Variants in UTRN observed in about 807,000 individuals in gnomAD.
UTRN encodes utrophin, also known as dystrophin-related protein 1.
In UTRN, 283 loss-of-function variants were observed where a neutral mutation model predicts 463.9. The ratio of observed to expected loss-of-function variants is 0.61; its 90% CI spans 0.55 to 0.67. The LOEUF (loss-of-function observed/expected upper bound fraction) is 0.67, where lower values mean the gene tolerates loss of function less well. UTRN is among the 30% of genes least tolerant of loss of function. The pLI is 0.00. For synonymous variants in UTRN, 1,442 were observed against 1,431.5 expected, an observed-to-expected ratio of 1.01 and a Z score of -0.17; for missense variants, 3,922 against 4,084.3, an observed-to-expected ratio of 0.96 and a Z score of 1.08.
intron 1 of UTRN, among the ~76,000 whole-genome samples, chr6:144,289,236 A>C (rs636799): frequency 0.26 from 39,968 of 151,986 alleles, 5,367 homozygotes; most frequent in South Asian, 0.42. Flanking sequence ...CACTTCACCT[A>C]ATTGCCTAAG....
At chr6:144,529,796 T>A (rs1196022481) in intron 41 of UTRN, among the ~76,000 whole-genome samples, 1 of 152,010 alleles carries the variant, frequency 6.6e-6, no homozygotes, top group Non-Finnish European at 1.5e-5. Context: ...ATTTAAAAAA[T>A]ATATATTTTA....
intron 2 of UTRN, among the ~76,000 whole-genome samples, chr6:144,353,688 A>T (rs2114665218): frequency 6.6e-6 from 1 of 152,282 alleles, no homozygotes; most frequent in East Asian, 1.9e-4. Flanking sequence ...CTCTACTAAA[A>T]ATACAAAAAT....
At chr6:144,699,469 A>G (rs9497051) in intron 52 of UTRN, among the ~76,000 whole-genome samples, 1,710 of 101,526 alleles carry the variant, frequency 0.017, 64 homozygotes, top group African/African-American at 0.059. Flanking sequence ...ATAATTAGTC[A>G]GTGGTTTTTT....
intron 43 of UTRN, among the ~76,000 whole-genome samples, chr6:144,534,619 G>A (rs1797366400): frequency 6.6e-6 from 1 of 152,158 alleles, no homozygotes; most frequent in Admixed American, 6.5e-5. Flanking sequence ...TATTCTCTAA[G>A]CATATTGCTG....
chr6:144,392,977 G>GAC (rs1782068423), intron 2 of UTRN, among the ~76,000 whole-genome samples: 3 of 151,898 alleles, frequency 2.0e-5, no homozygotes, highest in Non-Finnish European at 4.4e-5. Context: ...TTGCATCCAG[G>GAC]GCAAGGCTTT....
intron 13 of UTRN, among the ~76,000 whole-genome samples, chr6:144,443,551 C>T (rs1787372167): frequency 6.6e-6 from 1 of 151,914 alleles, no homozygotes; most frequent in Non-Finnish European, 1.5e-5. Flanking sequence ...GTATATAGTA[C>T]AAAAATAAAT....
At position 144,438,857 on chromosome 6, in the gene UTRN, G is replaced by T; in HGVS notation, c.1354G>T (p.Asp452Tyr). 1 of 1,614,174 alleles carries T rather than the reference G, an allele frequency of 6.2e-7. No homozygotes were observed. Among genetic ancestry groups the T allele is most frequent in the Non-Finnish European group, 8.5e-7 (1 of 1,180,038 alleles). Reference sequence around the variant, plus strand: ...GATGGAAACTTGCCCCCTGGATGATGATGTAAAATCTCTACAAAAGCTGCT... The same window carrying T: ...GATGGAAACTTGCCCCCTGGATGATTATGTAAAATCTCTACAAAAGCTGCT... ...QKMETCPLDD[D>Y]VKSLQKLLEE... Residue 452 changes from aspartate (D) to tyrosine (Y), a missense_variant, in exon 12 of 75, where the codon GAT (aspartate) becomes TAT (tyrosine). Transcript: ENST00000367545.
chr6:144,299,694 C>T (rs186430328), intron 2 of UTRN, among the ~76,000 whole-genome samples: 1 of 152,048 alleles, frequency 6.6e-6, no homozygotes, highest in African/African-American at 2.4e-5. Context: ...AATGCATCAG[C>T]TTAGAGTCCG....
At chr6:144,623,224 A>G (rs1775607903) in intron 51 of UTRN, among the ~76,000 whole-genome samples, 1 of 152,200 alleles carries the variant, frequency 6.6e-6, no homozygotes, top group African/African-American at 2.4e-5. Context: ...TAATATGAGA[A>G]AGGTCGAAAT....
chr6:144,612,892 A>G (rs1805675059), intron 51 of UTRN, among the ~76,000 whole-genome samples: 1 of 152,124 alleles, frequency 6.6e-6, no homozygotes, highest in African/African-American at 2.4e-5. Flanking sequence ...TTAAAGGGAT[A>G]TTTGCACTCT....
intron 68 of UTRN, 93 bp from the exon 69 acceptor site, chr6:144,828,697 A>T (rs1183073551): frequency 9.4e-6 from 12 of 1,270,774 alleles, no homozygotes; most frequent in Non-Finnish European, 1.2e-5. Flanking sequence ...TTTTGTCAGA[A>T]TTTTGACAAT....
At chr6:144,344,074 G>GA (rs1777363206) in intron 2 of UTRN, 1 of 1,001,448 alleles carries the variant, frequency 1.0e-6, no homozygotes, top group African/African-American at 3.4e-5. Context: ...CCTCTCATGG[G>GA]AAAAATAAAA....
At chr6:144,736,691 G>A (rs368751733) in intron 54 of UTRN, among the ~76,000 whole-genome samples, 23 of 152,224 alleles carry the variant, frequency 1.5e-4, no homozygotes, top group African/African-American at 3.1e-4. Context: ...AAAACTGCCC[G>A]TAGTGCATGC....
intron 51 of UTRN, among the ~76,000 whole-genome samples, chr6:144,673,719 GTGT>G (rs1459891968): frequency 6.6e-6 from 1 of 151,906 alleles, no homozygotes; most frequent in African/African-American, 2.4e-5. Flanking sequence ...TTAAAAAATT[GTGT>G]TGTTGTTTTA....
At chr6:144,382,659 T>A (rs866223401) in intron 2 of UTRN, among the ~76,000 whole-genome samples, 5 of 152,190 alleles carry the variant, frequency 3.3e-5, no homozygotes, top group Admixed American at 6.5e-5. Context: ...GTTCAAGACA[T>A]AAAGCAGTCA....
chr6:144,549,765 G>T (rs1415245593), intron 47 of UTRN, among the ~76,000 whole-genome samples: 1 of 152,176 alleles, frequency 6.6e-6, no homozygotes, highest in East Asian at 1.9e-4. Flanking sequence ...AAAGTCATGT[G>T]GTACAGGAGG....
At chr6:144,317,213 ATGGAGGAAGCTATTTCTTCAGCTAC>A (rs1470955873) in intron 2 of UTRN, among the ~76,000 whole-genome samples, 6 of 152,326 alleles carry the variant, frequency 3.9e-5, no homozygotes, top group Non-Finnish European at 7.4e-5. Context: ...AGCGAATGAT[ATGGAGGAAGCTATTTCTTCAGCTAC>A]ATGTGATAAT....
intron 32 of UTRN, 122 bp from the exon 33 acceptor site, chr6:144,493,179 G>T: frequency 1.2e-6 from 1 of 808,132 alleles, no homozygotes; most frequent in Non-Finnish European, 1.9e-6. Flanking sequence ...AAAGATGATG[G>T]CCTTTGATCA....
At chr6:144,421,788 A>T in intron 3 of UTRN, 90 bp from the exon 4 acceptor site, 1 of 919,232 alleles carries the variant, frequency 1.1e-6, no homozygotes, top group East Asian at 3.1e-5. Context: ...AATTGAGCAA[A>T]AAATGAAGCC....
Sources: allele counts gnomAD v4.1 joint callset (sites outside exome capture counted in the v4.1 genomes callset), GRCh38; gene constraint gnomAD v4.1.1; transcripts MANE v1.5; gene names NCBI Gene and HGNC (gene_info 2026-07-23, HGNC 2026-07-21).